The following RGMA variants were observed in gnomAD, a reference collection of about 807,000 sequenced individuals.
The protein encoded by RGMA is repulsive guidance molecule A.
In RGMA, 10 loss-of-function variants were observed where a neutral mutation model predicts 23.2. The ratio of observed to expected loss-of-function variants is 0.43; its 90% CI spans 0.27 to 0.73. RGMA has a LOEUF of 0.73. RGMA is among the 30% of genes least tolerant of loss of function. The pLI, the probability that RGMA is intolerant of heterozygous loss-of-function variation, is 0.20. For missense variants in RGMA, 547 were observed against 630.5 expected, an observed-to-expected ratio of 0.87 and a Z score of 1.42; for synonymous variants, 308 against 279.3, an observed-to-expected ratio of 1.10 and a Z score of -1.03.
At chr15:93,078,800 C>A (rs575534997) in intron 1 of RGMA, among the ~76,000 whole-genome samples, 2 of 152,188 alleles carry the variant, frequency 1.3e-5, no homozygotes, top group Non-Finnish European at 2.9e-5. Flanking sequence ...TTTCCAATAT[C>A]GTTTCTGACA....
intron 3 of RGMA, among the ~76,000 whole-genome samples, chr15:93,049,668 T>C (rs142187115): frequency 1.6e-3 from 238 of 152,344 alleles, no homozygotes; most frequent in Non-Finnish European, 2.1e-3. Context: ...GGCAGCTTCA[T>C]GCACACACAG....
Position 93,069,478 on chromosome 15 carries a change from C to T in RGMA, c.130+3438G>A, listed in dbSNP as rs1895257165. 3.3e-5 allele frequency among the ~76,000 whole-genome samples: 5 copies of T among 152,218 alleles called. No homozygotes were observed. In the South Asian group the frequency reaches 1.0e-3, roughly 31 times the overall value. ...CTATAGCGACACAGATGTACCTGGACACTGCAGAGGGCCTTGGTCTCCCGA... is the reference window on the plus strand; with the variant it reads ...CTATAGCGACACAGATGTACCTGGATACTGCAGAGGGCCTTGGTCTCCCGA... On this transcript the variant is annotated intron_variant, in intron 2 of 3. Transcript: ENST00000329082.
At chr15:93,063,322 A>T (rs1366894542) in intron 2 of RGMA, among the ~76,000 whole-genome samples, 3 of 152,242 alleles carry the variant, frequency 2.0e-5, no homozygotes, top group Non-Finnish European at 4.4e-5. Flanking sequence ...GCACTGAGCC[A>T]GGGGGCTGGC....
In RGMA at chr15:93,072,984, C is replaced by T. The variant is rs767006823; in HGVS notation, c.62G>A (p.Arg21Lys). Residue 21 changes from arginine (R) to lysine (K), a missense_variant, in exon 2 of 4, where the codon AGA becomes AAA. Around this residue, in one of 3 missense-constraint regions of RGMA, gnomAD observed 214 missense variants for 234.7 expected, o/e 0.91. Transcript: ENST00000329082. ...TGRAGWMGMG[R>K]GAGRSALGFW... ...TCCCAGGGCTGAACGTCCTGCCCCT[C>T]TCCCCATACCCATCCATCCAGCTCG... is the stretch of plus-strand genomic sequence containing the variant. 37 of 1,611,686 alleles carry T rather than the reference C, an allele frequency of 2.3e-5. No individual in the cohort carries two copies. The East Asian group carries it at 7.6e-4, about 33-fold the overall frequency.
intron 1 of RGMA, among the ~76,000 whole-genome samples, chr15:93,083,964 A>G (rs1190819572): frequency 6.6e-6 from 1 of 152,258 alleles, no homozygotes; most frequent in East Asian, 1.9e-4. Context: ...TATTATTTAT[A>G]CTTTACCTCT....
rs1471553159 is a variant in RGMA, at chr15:93,038,569, G to GTTGTTGTTTTTTTT, written c.*6428_*6429insAAAAAAAACAACAA. ...GCCTTAATGAACGAAACTGTTAGTT[G>GTTGTTGTTTTTTTT]TTTTTTTTTTTTTTTTGAGACGGTG... is the stretch of plus-strand genomic sequence containing the variant. On this transcript the variant is annotated 3_prime_UTR_variant, in exon 4 of 4. Transcript: ENST00000329082. The GTTGTTGTTTTTTTT allele has an allele frequency of 3.0e-5, 3 of 100,224 alleles. No individual in the cohort carries two copies. Among genetic ancestry groups the GTTGTTGTTTTTTTT allele is most frequent in the African/African-American group, 9.7e-5 (3 of 30,862 alleles). The allele number at this position is 100,224 out of a possible 1,614,324, so 6.2% of individuals were successfully genotyped here.
Position 93,082,775 on chromosome 15 carries a change from T to C in RGMA, c.14+6144A>G, listed in dbSNP as rs186224711. Among the ~76,000 whole-genome samples, 61 of 152,374 alleles carry C rather than the reference T, an allele frequency of 4.0e-4. 3 individuals are homozygous for C. Among genetic ancestry groups the C allele is most frequent in the African/African-American group, 1.3e-3 (56 of 41,588 alleles). ...TGAAATAATTAGATTATGGAATTGT[T>C]TGTCTTTCTTTTGGATGGTAAGTGA... On this transcript the variant is annotated intron_variant, in intron 1 of 3. Transcript: ENST00000329082.
rs565725960 is a variant in RGMA at position 93,036,325 on chromosome 15, G to T, written c.*8673C>A. ...TTTGTGCCAGGAAGGAAGGGAAGAA[G>T]GACTCCTCTTGTTTTATGCAACCAA... On this transcript the variant is annotated 3_prime_UTR_variant, in exon 4 of 4. Coordinates refer to ENST00000329082, the MANE Select transcript of RGMA (RefSeq NM_020211.3). The T allele has an allele frequency of 2.6e-5, 4 of 152,268 alleles. No individual in the cohort carries two copies. The highest frequency in any genetic ancestry group is 5.9e-5 in the Non-Finnish European group (4 of 68,072). 9.4% of individuals were successfully genotyped at this position (152,268 alleles called of 1,614,324 possible).
chr15:93,073,540 C>T, intron 1 of RGMA: 9 of 1,495,778 alleles, frequency 6.0e-6, no homozygotes, highest in South Asian at 1.3e-5. Context: ...AAAAACTGTC[C>T]TTGGAGGCAA....
chr15:93,073,672 T>C, intron 1 of RGMA: 1 of 1,537,206 alleles, frequency 6.5e-7, no homozygotes. Context: ...TTCCGAGTTG[T>C]CTAGGTCTGG....
intron 2 of RGMA, among the ~76,000 whole-genome samples, chr15:93,056,679 C>T (rs974299333): frequency 9.2e-5 from 14 of 152,202 alleles, no homozygotes; most frequent in Admixed American, 8.5e-4. Flanking sequence ...CCAGCCCCAG[C>T]TCTGGGTGGG....
At chr15:93,065,608 G>T in intron 2 of RGMA, 1 of 808,660 alleles carries the variant, frequency 1.2e-6, no homozygotes. Context: ...TGGTGGCGGG[G>T]TCCCCACTGT....
chr15:93,083,836 G>A (rs1895596502), intron 1 of RGMA, among the ~76,000 whole-genome samples: 1 of 152,286 alleles, frequency 6.6e-6, no homozygotes, highest in African/African-American at 2.4e-5. Context: ...GTCTACAGGT[G>A]AGCCCAGCCT....
At chr15:93,087,949 T>C (rs1199437057) in intron 1 of RGMA, among the ~76,000 whole-genome samples, 2 of 152,094 alleles carry the variant, frequency 1.3e-5, no homozygotes, top group African/African-American at 2.4e-5. Flanking sequence ...CTCTCCACCT[T>C]GTGCGGGAGA....
In RGMA at chr15:93,044,710, A is replaced by T; in HGVS notation, c.*288T>A. 1.1e-5 allele frequency: 5 copies of T among 451,704 alleles called. No homozygotes were observed. The highest frequency in any genetic ancestry group is 3.8e-5 in the Admixed American group (1 of 26,192). The allele number at this position is 451,704 out of a possible 1,614,324, so 28.0% of individuals were successfully genotyped here. ...GTCTCTGGTGGGGGTGGGGGGCTTC[A>T]GCCTGAGGGGATGTTTCACACATTC... On this transcript the variant is annotated 3_prime_UTR_variant, in exon 4 of 4. Coordinates refer to ENST00000329082, the MANE Select transcript of RGMA (RefSeq NM_020211.3).
Position 93,044,447 on chromosome 15 carries a change from C to G in RGMA, c.*551G>C, listed in dbSNP as rs530896870. The G allele has an allele frequency of 6.4e-6, 1 of 157,426 alleles. No individual in the cohort carries two copies. Among genetic ancestry groups the G allele is most frequent in the East Asian group, 1.9e-4 (1 of 5,268 alleles). The allele number at this position is 157,426 out of a possible 1,614,324, so 9.8% of individuals were successfully genotyped here. On this transcript the variant is annotated 3_prime_UTR_variant, in exon 4 of 4. Transcript: ENST00000329082. Reference sequence around the variant, plus strand: ...CTACTGGCCAAAAGGTTCCAGCAGTCTGCTAAGGTGCCAAGCAGCGCCCCG... The same window carrying G: ...CTACTGGCCAAAAGGTTCCAGCAGTGTGCTAAGGTGCCAAGCAGCGCCCCG...
chr15:93,052,669 G>A (rs1337496038), intron 2 of RGMA, among the ~76,000 whole-genome samples, 162 bp from the exon 3 acceptor site: 2 of 152,218 alleles, frequency 1.3e-5, no homozygotes, highest in Non-Finnish European at 1.5e-5. Context: ...TGGTAGGAAA[G>A]GGGTCCTTCT....
intron 1 of RGMA, among the ~76,000 whole-genome samples, chr15:93,085,373 C>A (rs1412961967): frequency 2.0e-5 from 3 of 152,220 alleles, no homozygotes; most frequent in Non-Finnish European, 4.4e-5. Flanking sequence ...TGGGAATTGG[C>A]CTCCTTTGAC....
Position 93,041,402 on chromosome 15 carries a change from TGC to T in RGMA, c.*3594_*3595del, listed in dbSNP as rs2054722308. The T allele has an allele frequency of 6.6e-6, 1 of 152,266 alleles. No homozygotes were observed. Among genetic ancestry groups the T allele is most frequent in the Non-Finnish European group, 1.5e-5 (1 of 68,066 alleles). 9.4% of individuals were successfully genotyped at this position (152,266 alleles called of 1,614,324 possible). A position where few individuals can be genotyped will look rare whatever the true frequency, so the allele number is the denominator to read the frequency against. ...CCTAGCCCGTCCTGCAAGATGAAGC[TGC>T]TTCTTGGGAATCTTTTAGCTCAGGA... On this transcript the variant is annotated 3_prime_UTR_variant, in exon 4 of 4. Coordinates refer to ENST00000329082, the MANE Select transcript of RGMA (RefSeq NM_020211.3).
Sources: gnomAD v4.1 joint callset for allele counts (sites outside exome capture counted in the v4.1 genomes callset) on GRCh38, gnomAD v4.1.1 for gene constraint, gnomAD v4.1.1 regional missense constraint, MANE v1.5 for transcripts, NCBI Gene and HGNC (gene_info 2026-07-23, HGNC 2026-07-21) for gene names.